The following ARHGAP20 variants were observed in gnomAD, a reference collection of about 807,000 sequenced individuals.
ARHGAP20 encodes the protein Rho GTPase activating protein 20, also known as rho GTPase-activating protein 20.
A neutral mutation model predicts 73.7 loss-of-function variants in ARHGAP20; 34 were observed. The ratio of observed to expected loss-of-function variants is 0.46; its 90% confidence interval spans 0.35 to 0.61. The LOEUF is 0.61. Among genes scored for constraint, ARHGAP20 ranks in the 20% least tolerant of loss-of-function variants. ARHGAP20 has a pLI of 0.00. For missense variants in ARHGAP20, 1,314 were observed against 1,420.9 expected, an observed-to-expected ratio of 0.92 and a Z score of 1.21; for synonymous variants, 523 against 518.2, an observed-to-expected ratio of 1.01 and a Z score of -0.13.
intron 1 of ARHGAP20, among the ~76,000 whole-genome samples, chr11:110,697,856 T>C (rs1225887370): frequency 6.6e-6 from 1 of 151,926 alleles, no homozygotes; most frequent in East Asian, 1.9e-4. Context: ...TCAGGCAATA[T>C]GATGACTCTG....
chr11:110,620,800 G>T (rs143505105), intron 4 of ARHGAP20, among the ~76,000 whole-genome samples: 1 of 152,012 alleles, frequency 6.6e-6, no homozygotes, highest in Non-Finnish European at 1.5e-5. Flanking sequence ...AGCTGGGCGC[G>T]GTGGCTCATG....
intron 9 of ARHGAP20, among the ~76,000 whole-genome samples, chr11:110,601,259 G>A (rs985943649): frequency 6.6e-6 from 1 of 152,284 alleles, no homozygotes; most frequent in East Asian, 1.9e-4. Flanking sequence ...CTAGCACTTG[G>A]TAAATAAGGC....
chr11:110,584,973 A>ATATATGAATATG (rs992568177), intron 12 of ARHGAP20, among the ~76,000 whole-genome samples: 21 of 44,564 alleles, frequency 4.7e-4, no homozygotes, highest in Non-Finnish European at 1.7e-3. Flanking sequence ...GAATATATGA[A>ATATATGAATATG]TATATATGTG....
chr11:110,625,022 T>TTA (rs761890457), intron 3 of ARHGAP20, among the ~76,000 whole-genome samples: 23,409 of 112,196 alleles, frequency 0.21, 2,323 homozygotes, highest in East Asian at 0.32. Context: ...TTTTTTTTAT[T>TTA]TTTATTTTTA....
chr11:110,583,486 A>G, intron 13 of ARHGAP20, 62 bp downstream of exon 13: 2 of 1,381,114 alleles, frequency 1.4e-6, no homozygotes, highest in South Asian at 3.1e-5. Flanking sequence ...AGAATACCCC[A>G]AATTTCAGTT....
intron 1 of ARHGAP20, among the ~76,000 whole-genome samples, chr11:110,696,355 C>T (rs2135129714): frequency 6.6e-6 from 1 of 151,768 alleles, no homozygotes; most frequent in East Asian, 1.9e-4. Flanking sequence ...AACCTAACTA[C>T]CAAATTACTA....
At chr11:110,582,250 C>A in intron 14 of ARHGAP20, 71 bp downstream of exon 14, 1 of 1,286,736 alleles carries the variant, frequency 7.8e-7, no homozygotes, top group South Asian at 1.2e-5. Context: ...CAGGAAAACC[C>A]CTATCCCAGC....
intron 9 of ARHGAP20, among the ~76,000 whole-genome samples, chr11:110,605,119 C>T (rs1401496407): frequency 6.6e-6 from 1 of 152,122 alleles, no homozygotes; most frequent in Non-Finnish European, 1.5e-5. Flanking sequence ...CAGAAGTTTT[C>T]TGCTAGACAG....
chr11:110,645,137 G>A (rs1194944639), intron 2 of ARHGAP20, among the ~76,000 whole-genome samples: 1 of 151,972 alleles, frequency 6.6e-6, no homozygotes, highest in Non-Finnish European at 1.5e-5. Context: ...AGCCTCCCGG[G>A]TAGCTGGGAT....
intron 2 of ARHGAP20, among the ~76,000 whole-genome samples, chr11:110,672,797 C>T (rs7117752): frequency 0.23 from 34,703 of 152,060 alleles, 3,972 homozygotes; most frequent in South Asian, 0.32. Flanking sequence ...TTAAATGGTA[C>T]GACTACTTTA....
At position 110,583,396 on chromosome 11, in the gene ARHGAP20, A is replaced by G. The variant is rs574152551; in HGVS notation, c.1605+152T>C. 1.7e-5 allele frequency: 11 copies of G among 634,026 alleles called. No homozygotes were observed. The South Asian group carries it at 3.4e-4, about 20-fold the overall frequency. The allele number at this position is 634,026 out of a possible 1,614,324, so 39.3% of individuals were successfully genotyped here. ...ATCTGCTATCATTTTCTACTTAACA[A>G]TTCACTTTCCTATAGTCTACCAGTA... On this transcript the variant is annotated intron_variant, in intron 13 of 14. Transcript: ENST00000683387.
chr11:110,577,903 A>G lies in ARHGAP20; in HGVS notation c.*1467T>C. ...AAAAGAAAGAACATTTGATATGACC[A>G]TTTTCTGGTGATTAATAAGACAAAT... is the stretch of plus-strand genomic sequence containing the variant. On this transcript the variant is annotated 3_prime_UTR_variant, in exon 15 of 15. Transcript: ENST00000683387. The G allele has an allele frequency of 1.0e-6, 1 of 985,744 alleles. No homozygotes were observed. The highest frequency in any genetic ancestry group is 1.2e-6 in the Non-Finnish European group (1 of 829,838). 61.1% of individuals were successfully genotyped at this position (985,744 alleles called of 1,614,324 possible).
chr11:110,663,202 T>C (rs897453225), intron 2 of ARHGAP20, among the ~76,000 whole-genome samples: 3 of 151,326 alleles, frequency 2.0e-5, no homozygotes, highest in Non-Finnish European at 4.4e-5. Context: ...TGGAAATCAA[T>C]GAAATAGAAA....
intron 2 of ARHGAP20, among the ~76,000 whole-genome samples, chr11:110,658,638 G>GAAT (rs1949526709): frequency 6.6e-6 from 1 of 152,066 alleles, no homozygotes; most frequent in East Asian, 1.9e-4. Context: ...TTATTTACAA[G>GAAT]GTAGAGTTTA....
Position 110,707,263 on chromosome 11 carries a change from G to A in ARHGAP20, c.105+4864C>T, listed in dbSNP as rs535311667. ...CCAAAAGGTCAGAATATTTGAGTCT[G>A]ATACAAATCATTCCTAACTAAAATG... On this transcript the variant is annotated intron_variant, in intron 1 of 14. Transcript: ENST00000683387. 2.0e-5 allele frequency among the ~76,000 whole-genome samples: 3 copies of A among 152,186 alleles called. No homozygotes were observed. The East Asian group carries it at 5.8e-4, about 29-fold the overall frequency.
chr11:110,662,891 G>A (rs928453543), intron 2 of ARHGAP20, among the ~76,000 whole-genome samples: 1 of 151,838 alleles, frequency 6.6e-6, no homozygotes, highest in Non-Finnish European at 1.5e-5. Flanking sequence ...TCTGAAGTAG[G>A]AAATATACAA....
At chr11:110,690,993 T>C (rs1362700335) in intron 1 of ARHGAP20, 1 of 1,527,990 alleles carries the variant, frequency 6.5e-7, no homozygotes, top group South Asian at 1.2e-5. Flanking sequence ...TAATCCAAAA[T>C]GTCATCCGGG....
intron 1 of ARHGAP20, among the ~76,000 whole-genome samples, chr11:110,704,376 G>A (rs1373100307): frequency 6.6e-6 from 1 of 152,122 alleles, no homozygotes; most frequent in African/African-American, 2.4e-5. Context: ...ACACACAAGT[G>A]ACCAGACATC....
chr11:110,653,312 C>T (rs1429280627), intron 2 of ARHGAP20, among the ~76,000 whole-genome samples: 1 of 152,108 alleles, frequency 6.6e-6, no homozygotes, highest in East Asian at 1.9e-4. Context: ...AAAATTTTTG[C>T]AACCTATCCA....
Sources: gnomAD v4.1 joint callset for allele counts (sites outside exome capture counted in the v4.1 genomes callset) on GRCh38, gnomAD v4.1.1 for gene constraint, MANE v1.5 for transcripts, NCBI Gene and HGNC (gene_info 2026-07-23, HGNC 2026-07-21) for gene names.